Variants in KPNA3 observed in about 807,000 individuals in gnomAD.
The protein encoded by KPNA3 is karyopherin subunit alpha 3.
Under a neutral mutation model 73.8 loss-of-function variants are expected in KPNA3, and 13 were observed. The observed-to-expected ratio is 0.18, with a 90% CI of 0.11 to 0.28. The LOEUF is 0.28. KPNA3 is among the 10% of genes least tolerant of loss of function. KPNA3 has a pLI of 1.00. For synonymous variants in KPNA3, 186 were observed against 206.9 expected, an observed-to-expected ratio of 0.90 and a Z score of 0.87; for missense variants, 360 against 618.1, an observed-to-expected ratio of 0.58 and a Z score of 4.43.
Position 49,706,336 on chromosome 13 carries a change from T to C in KPNA3, c.1069A>G (p.Asn357Asp). Residue 357 changes from asparagine to aspartate, a missense_variant, in exon 13 of 17, where the codon AAC (asparagine) becomes GAC (aspartate). Coordinates refer to ENST00000261667, the MANE Select transcript of KPNA3 (RefSeq NM_002267.4). ...ATTACAGCTTGAACTTGTTGCTGGT[T>C]GCCTGCTGTTATGTTGGAAAGGAAC... is the stretch of plus-strand genomic sequence containing the variant. ...VWFLSNITAG[N>D]QQQVQAVIDA... The C allele has an allele frequency of 1.2e-6, 2 of 1,614,162 alleles. No individual in the cohort carries two copies. Among genetic ancestry groups the C allele is most frequent in the Non-Finnish European group, 1.7e-6 (2 of 1,179,994 alleles).
chr13:49,726,608 G>A (rs534641754), intron 6 of KPNA3, among the ~76,000 whole-genome samples: 15 of 152,170 alleles, frequency 9.9e-5, no homozygotes, highest in African/African-American at 2.9e-4. Context: ...TCAAATCAAT[G>A]GTATGCAGAA....
At chr13:49,763,033 G>C (rs566258978) in intron 1 of KPNA3, among the ~76,000 whole-genome samples, 1 of 151,938 alleles carries the variant, frequency 6.6e-6, no homozygotes, top group East Asian at 1.9e-4. Flanking sequence ...TTCATACTGG[G>C]AACAAATTAA....
At chr13:49,757,594 A>G (rs1396180918) in intron 1 of KPNA3, among the ~76,000 whole-genome samples, 1 of 152,152 alleles carries the variant, frequency 6.6e-6, no homozygotes, top group Non-Finnish European at 1.5e-5. Context: ...ATGTAAAATG[A>G]CAGCACCTTT....
chr13:49,734,363 G>T (rs780653743), intron 2 of KPNA3, among the ~76,000 whole-genome samples: 1 of 152,052 alleles, frequency 6.6e-6, no homozygotes, highest in Non-Finnish European at 1.5e-5. Flanking sequence ...TAATTACATT[G>T]AAGTCAGAGA....
chr13:49,760,333 T>C (rs566292512), intron 1 of KPNA3, among the ~76,000 whole-genome samples: 12 of 149,290 alleles, frequency 8.0e-5, no homozygotes, highest in African/African-American at 2.7e-4. Flanking sequence ...GAGGACTGCT[T>C]GAGCCCAGGA....
At chr13:49,754,056 G>T (rs1199442681) in intron 1 of KPNA3, among the ~76,000 whole-genome samples, 2 of 152,214 alleles carry the variant, frequency 1.3e-5, no homozygotes, top group Admixed American at 6.5e-5. Flanking sequence ...CAGCAATTTG[G>T]GAAACTGAGG....
intron 1 of KPNA3, among the ~76,000 whole-genome samples, chr13:49,782,602 C>T (rs533207966): frequency 1.1e-4 from 17 of 152,066 alleles, no homozygotes; most frequent in South Asian, 2.1e-4. Context: ...AAATAGGCTG[C>T]GCGCGGTGGC....
At chr13:49,762,391 CATG>C (rs1954774382) in intron 1 of KPNA3, among the ~76,000 whole-genome samples, 1 of 152,146 alleles carries the variant, frequency 6.6e-6, no homozygotes, top group South Asian at 2.1e-4. Flanking sequence ...GAGAACGGGC[CATG>C]ATGATGATGG....
At chr13:49,735,215 C>T (rs1035414399) in intron 2 of KPNA3, among the ~76,000 whole-genome samples, 5 of 152,106 alleles carry the variant, frequency 3.3e-5, no homozygotes, top group Non-Finnish European at 4.4e-5. Flanking sequence ...CTCCACCTCC[C>T]GGGTTCAAGT....
chr13:49,707,986 T>C (rs1046167807), intron 12 of KPNA3, among the ~76,000 whole-genome samples: 1 of 128,596 alleles, frequency 7.8e-6, no homozygotes, highest in African/African-American at 2.8e-5. Flanking sequence ...ATTTATTTCT[T>C]TTTCTTTTTT....
chr13:49,777,880 A>C (rs1954910290), intron 1 of KPNA3, among the ~76,000 whole-genome samples: 1 of 152,082 alleles, frequency 6.6e-6, no homozygotes, highest in South Asian at 2.1e-4. Flanking sequence ...CAAAAAGTCT[A>C]CTCATAATAA....
intron 2 of KPNA3, among the ~76,000 whole-genome samples, chr13:49,739,636 T>G (rs1954555108): frequency 6.6e-6 from 1 of 152,154 alleles, no homozygotes; most frequent in Non-Finnish European, 1.5e-5. Flanking sequence ...TTTTGACGGA[T>G]CAGTATCTGT....
intron 1 of KPNA3, among the ~76,000 whole-genome samples, chr13:49,760,418 A>G (rs1377889952): frequency 1.3e-5 from 2 of 151,518 alleles, no homozygotes; most frequent in African/African-American, 2.4e-5. Context: ...CCATCTCAAA[A>G]AAAAAAAAAA....
chr13:49,747,202 G>A (rs909796956), intron 1 of KPNA3, among the ~76,000 whole-genome samples: 1 of 151,952 alleles, frequency 6.6e-6, no homozygotes, highest in Non-Finnish European at 1.5e-5. Flanking sequence ...AAAATTAGCC[G>A]GGCTTGGTGG....
intron 6 of KPNA3, among the ~76,000 whole-genome samples, chr13:49,728,946 A>C (rs1294432461): frequency 6.6e-6 from 1 of 152,164 alleles, no homozygotes; most frequent in Admixed American, 6.5e-5. Flanking sequence ...CCTAATCTTA[A>C]AAAAACAACC....
chr13:49,721,983 G>T lies in KPNA3; in HGVS notation c.698C>A (p.Pro233His). The T allele has an allele frequency of 1.9e-6, 3 of 1,602,908 alleles. No homozygotes were observed. Among genetic ancestry groups the T allele is most frequent in the Non-Finnish European group, 2.6e-6 (3 of 1,174,730 alleles). ...CTGAACTGTCTCCATAGGCGGCGGG[G>T]GATCCTTATTCCTGCAGAGATTGAC... ...VIVNLCRNKD[P>H]PPPMETVQEI... The change falls in exon 9 of 17, where the codon CCC becomes CAC. Residue 233 changes from proline (P) to histidine (H), a missense_variant. By Grantham distance (77) the Pro-to-His change is moderately conservative. Coordinates refer to ENST00000261667, the MANE Select transcript of KPNA3 (RefSeq NM_002267.4).
At chr13:49,734,564 T>A (rs984106867) in intron 2 of KPNA3, among the ~76,000 whole-genome samples, 4 of 152,212 alleles carry the variant, frequency 2.6e-5, no homozygotes, top group Non-Finnish European at 5.9e-5. Context: ...GTTATTTAAG[T>A]GTTTAAACTG....
chr13:49,739,398 T>C (rs1566346131), intron 2 of KPNA3, among the ~76,000 whole-genome samples: 1 of 152,190 alleles, frequency 6.6e-6, no homozygotes, highest in Non-Finnish European at 1.5e-5. Context: ...AGCTCTGCCA[T>C]TTATTAGCTT....
intron 15 of KPNA3, among the ~76,000 whole-genome samples, chr13:49,703,206 C>A (rs112332160): frequency 9.0e-6 from 1 of 110,806 alleles, no homozygotes; most frequent in African/African-American, 3.4e-5. Flanking sequence ...TTTTTTGAGA[C>A]GGAGTCTCAC....
Sources: gnomAD v4.1 joint callset for allele counts (sites outside exome capture counted in the v4.1 genomes callset) on GRCh38, gnomAD v4.1.1 for gene constraint, MANE v1.5 for transcripts, NCBI Gene and HGNC (gene_info 2026-07-23, HGNC 2026-07-21) for gene names.